Variants in GRIK2 observed in about 807,000 individuals in gnomAD.
GRIK2 encodes the protein glutamate receptor ionotropic, kainate 2.
Under a neutral mutation model 100.3 loss-of-function variants are expected in GRIK2, and 32 were observed. The ratio of observed to expected loss-of-function variants is 0.32; its 90% CI spans 0.24 to 0.43. The LOEUF (loss-of-function observed/expected upper bound fraction) is 0.43, where lower values mean the gene tolerates loss of function less well. Among genes scored for constraint, GRIK2 ranks in the 20% least tolerant of loss-of-function variants. The probability of loss-of-function intolerance (pLI) is 1.00; values close to 1 mark genes in which losing one functional copy is unlikely to be tolerated. For synonymous variants in GRIK2, 417 were observed against 389.4 expected (o/e 1.07, Z -0.83); for missense variants, 843 against 1,114.9 (o/e 0.76, Z 3.47).
At chr6:101,524,558 T>G (rs564841117) in intron 2 of GRIK2, among the ~76,000 whole-genome samples, 15 of 152,224 alleles carry the variant, frequency 9.9e-5, no homozygotes, top group African/African-American at 3.1e-4. Flanking sequence ...TTAATAGATA[T>G]GTAGAAGAAA....
intron 11 of GRIK2, among the ~76,000 whole-genome samples, chr6:101,877,008 A>T (rs1785898417): frequency 6.6e-6 from 1 of 151,946 alleles, no homozygotes; most frequent in Admixed American, 6.6e-5. Context: ...TATGCATACA[A>T]ATAATAATAC....
Position 101,535,852 on chromosome 6 carries a change from T to C in GRIK2, c.116-86097T>C, listed in dbSNP as rs559127271. On this transcript the variant is annotated intron_variant, in intron 2 of 16. Coordinates refer to ENST00000369134, the MANE Select transcript of GRIK2 (RefSeq NM_021956.5). ...CAGTAAGCACCTAAACGAAGTATTG[T>C]GCAAATGTTTTGGTCACACACACCT... is the stretch of plus-strand genomic sequence containing the variant. 5.3e-5 allele frequency among the ~76,000 whole-genome samples: 8 copies of C among 151,826 alleles called. No individual in the cohort carries two copies. In the East Asian group the frequency reaches 1.4e-3, roughly 26 times the overall value.
chr6:101,555,029 T>C (rs190714764), intron 2 of GRIK2, among the ~76,000 whole-genome samples: 48 of 152,296 alleles, frequency 3.2e-4, no homozygotes, highest in African/African-American at 1.1e-3. Flanking sequence ...AACTTTTATA[T>C]TGACAGTTGG....
rs1463752523 is a variant in GRIK2 at position 101,745,932 on chromosome 6, A to G, written c.952-53716A>G. ...ACTAAATGTATGGTTATATCCCACA[A>G]TTCTCGTCTCCTAACCACCCTTCCC... On this transcript the variant is annotated intron_variant, in intron 7 of 16. Coordinates refer to ENST00000369134, the MANE Select transcript of GRIK2 (RefSeq NM_021956.5). Among the ~76,000 whole-genome samples the G allele has an allele frequency of 2.6e-5, 4 of 152,156 alleles. No individual in the cohort carries two copies. In the East Asian group the frequency reaches 5.8e-4, roughly 22 times the overall value.
chr6:101,793,788 G>T (rs1318759857), intron 7 of GRIK2, among the ~76,000 whole-genome samples: 1 of 152,112 alleles, frequency 6.6e-6, no homozygotes, highest in Admixed American at 6.5e-5. Flanking sequence ...CTGTCTTTTT[G>T]TTTGTCTGTG....
intron 12 of GRIK2, among the ~76,000 whole-genome samples, chr6:101,897,782 G>A (rs1367580274): frequency 2.6e-5 from 4 of 151,786 alleles, no homozygotes; most frequent in African/African-American, 9.7e-5. Flanking sequence ...ATGATTAGGA[G>A]TACTGTGCTC....
chr6:101,917,984 G>T (rs1360518131), intron 12 of GRIK2, among the ~76,000 whole-genome samples: 1 of 151,344 alleles, frequency 6.6e-6, no homozygotes, highest in Non-Finnish European at 1.5e-5. Context: ...TTTTGTTTAA[G>T]ACAAATTAAT....
intron 11 of GRIK2, among the ~76,000 whole-genome samples, chr6:101,861,501 G>C (rs1463485186): frequency 6.6e-6 from 1 of 152,126 alleles, no homozygotes; most frequent in African/African-American, 2.4e-5. Context: ...TATATGTTGT[G>C]AATGGCAGTT....
At chr6:102,044,991 T>TTAAAG (rs1401670835) in intron 15 of GRIK2, among the ~76,000 whole-genome samples, 2 of 152,068 alleles carry the variant, frequency 1.3e-5, no homozygotes, top group Admixed American at 1.3e-4. Context: ...ATTACAATTT[T>TTAAAG]TAAAGTATCT....
intron 14 of GRIK2, among the ~76,000 whole-genome samples, chr6:101,981,272 T>C (rs935093245): frequency 1.3e-5 from 2 of 151,926 alleles, no homozygotes; most frequent in Non-Finnish European, 2.9e-5. Context: ...ACAAAAATAT[T>C]CTGATATGCT....
At chr6:102,061,995 A>C (rs531230343) in intron 16 of GRIK2, among the ~76,000 whole-genome samples, 1 of 149,056 alleles carries the variant, frequency 6.7e-6, no homozygotes, top group Non-Finnish European at 1.5e-5. Flanking sequence ...TTTCACAGCT[A>C]TATTGATTAA....
chr6:101,470,333 T>C (rs545907460), intron 2 of GRIK2, among the ~76,000 whole-genome samples: 3 of 152,208 alleles, frequency 2.0e-5, no homozygotes, highest in Admixed American at 1.3e-4. Context: ...TGAGAGACAC[T>C]CTTATATTCT....
intron 2 of GRIK2, among the ~76,000 whole-genome samples, chr6:101,463,699 G>A (rs561216955): frequency 1.3e-5 from 2 of 152,102 alleles, no homozygotes; most frequent in Non-Finnish European, 2.9e-5. Flanking sequence ...ATCCAAGGAT[G>A]ACTCCAGGGC....
At chr6:101,652,201 C>A (rs1354620448) in intron 4 of GRIK2, among the ~76,000 whole-genome samples, 2 of 152,152 alleles carry the variant, frequency 1.3e-5, no homozygotes, top group African/African-American at 2.4e-5. Context: ...CATATTGAAA[C>A]TCTCATCCCA....
At chr6:101,600,752 T>C (rs1779173468) in intron 2 of GRIK2, among the ~76,000 whole-genome samples, 1 of 151,886 alleles carries the variant, frequency 6.6e-6, no homozygotes, top group South Asian at 2.1e-4. Context: ...ATTTTTGTAA[T>C]TGGTTTTGTA....
At position 101,731,981 on chromosome 6, in the gene GRIK2, C is replaced by T. The variant is rs1374121679; in HGVS notation, c.951+45628C>T. Among the ~76,000 whole-genome samples the T allele has an allele frequency of 4.6e-5, 7 of 152,146 alleles. No individual in the cohort carries two copies. The East Asian group carries it at 1.4e-3, about 29-fold the overall frequency. ...AAAAACCTAGAGAACCATAATAACA[C>T]TCATTTCATCATTTTCAAATGAGTA... On this transcript the variant is annotated intron_variant, in intron 7 of 16. Coordinates refer to ENST00000369134, the MANE Select transcript of GRIK2 (RefSeq NM_021956.5).
chr6:101,555,710 TAC>T (rs1417888996), intron 2 of GRIK2, among the ~76,000 whole-genome samples: 1 of 152,214 alleles, frequency 6.6e-6, no homozygotes, highest in East Asian at 1.9e-4. Context: ...CTTTTTCAAT[TAC>T]ATTTTCATGA....
intron 2 of GRIK2, among the ~76,000 whole-genome samples, chr6:101,421,324 T>C (rs1217312439): frequency 1.3e-5 from 2 of 152,198 alleles, no homozygotes; most frequent in Non-Finnish European, 2.9e-5. Flanking sequence ...ACATGGAGGA[T>C]GGCACTGCCT....
intron 7 of GRIK2, among the ~76,000 whole-genome samples, chr6:101,753,065 C>T (rs1436225014): frequency 2.6e-5 from 4 of 151,916 alleles, no homozygotes; most frequent in South Asian, 2.1e-4. Flanking sequence ...GAGGCCGAGG[C>T]GGGAGGATCA....
Sources: allele counts gnomAD v4.1 joint callset (sites outside exome capture counted in the v4.1 genomes callset), GRCh38; gene constraint gnomAD v4.1.1; transcripts MANE v1.5; gene names NCBI Gene and HGNC (gene_info 2026-07-23, HGNC 2026-07-21).